Variants in PI16 observed in about 807,000 individuals in gnomAD.
The protein encoded by PI16 is PSP94-binding protein.
PI16 carries 35 observed loss-of-function variants against 38.0 expected under a neutral mutation model. That is an observed-to-expected ratio of 0.92 (90% CI 0.70 to 1.22). The LOEUF (loss-of-function observed/expected upper bound fraction) is 1.22, where lower values mean the gene tolerates loss of function less well. Ranked by LOEUF, PI16 falls within the 50% of genes most tolerant of loss-of-function variation. PI16 has a pLI of 0.00. For synonymous variants in PI16, 275 were observed against 252.9 expected (o/e 1.09, Z -0.83); for missense variants, 572 against 593.8 (o/e 0.96, Z 0.38).
In PI16 at chr6:36,959,230, G is replaced by A. The variant is rs978932221; in HGVS notation, c.257G>A (p.Gly86Asp). The stretch of plus-strand genomic sequence containing the variant: ...CACAACAAGGAGCGCGGGCGCCGCG[G>A]CGAGAATCTGTTCGCCATCACAGAC... The part of the protein sequence containing the change: ...WGHNKERGRR[G>D]ENLFAITDEG... The change falls in exon 2 of 7, where the codon GGC becomes GAC. Residue 86 changes from glycine (G) to aspartate (D), a missense_variant. By Grantham distance (94) the Gly-to-Asp change is moderately conservative. Transcript: ENST00000373674. The A allele has an allele frequency of 1.2e-6, 2 of 1,609,700 alleles. No homozygotes were observed. The highest frequency in any genetic ancestry group is 1.7e-6 in the Non-Finnish European group (2 of 1,178,600).
chr6:36,959,131 C>T lies in PI16; in HGVS notation c.172-14C>T. 1 of 1,598,030 alleles carries T rather than the reference C, an allele frequency of 6.3e-7. No homozygotes were observed. Among genetic ancestry groups the T allele is most frequent in the South Asian group, 1.1e-5 (1 of 88,614 alleles). ...GTGGGCATCCTCACCTCCCTTCTCT[C>T]ACCTGCCCTGCAGAGATGGGACGAG... On this transcript the variant is annotated splice_polypyrimidine_tract_variant and intron_variant, in intron 1 of 6. Transcript: ENST00000373674.
upstream of PI16, among the ~76,000 whole-genome samples, chr6:36,952,214 G>T (rs181841730): frequency 1.3e-5 from 2 of 151,890 alleles, no homozygotes; most frequent in Non-Finnish European, 2.9e-5. Context: ...GGCTGGTCTC[G>T]AACTCTTGAC....
At chr6:36,954,218 T>A (rs747366443), upstream of PI16, among the ~76,000 whole-genome samples, 2 of 152,250 alleles carry the variant, frequency 1.3e-5, no homozygotes, top group Non-Finnish European at 2.9e-5. Flanking sequence ...TAGGTACTAT[T>A]ATTGTCACTG....
rs1390310973 is a variant in PI16, at chr6:36,963,733, G to A, written c.1271-90G>A. ...CCTCTGAGTAGGAGCTTCCTCCCTG[G>A]CTGCTGCCCCACCTCCTTGCATGGT... On this transcript the variant is annotated intron_variant, in intron 5 of 6. Transcript: ENST00000373674. 14 of 1,530,950 alleles carry A rather than the reference G, an allele frequency of 9.1e-6. No individual in the cohort carries two copies. The East Asian group carries it at 3.0e-4, about 33-fold the overall frequency. The allele number at this position is 1,530,950 out of a possible 1,614,324, so 94.8% of individuals were successfully genotyped here.
rs1371245912 is a variant in PI16, at chr6:36,962,743, G to GATTAC, written c.593-190_593-186dup. Reference sequence around the variant, plus strand: ...CTGCCTCAGTCTCCCAAAGTGCTGGGATTACAGACGTGAGCCACCGCGCCC... The same window carrying GATTAC: ...CTGCCTCAGTCTCCCAAAGTGCTGGGATTACATTACAGACGTGAGCCACCGCGCCC... On this transcript the variant is annotated intron_variant, in intron 4 of 6. Transcript: ENST00000373674. This position sits in a 1 kb window ranked among gnomAD's most constrained non-coding sequence, Gnocchi z 4.1. Among the ~76,000 whole-genome samples the GATTAC allele has an allele frequency of 6.6e-6, 1 of 152,200 alleles. No individual in the cohort carries two copies. Among genetic ancestry groups the GATTAC allele is most frequent in the Non-Finnish European group, 1.5e-5 (1 of 68,044 alleles).
At chr6:36,953,541 T>A (rs1029950215), upstream of PI16, among the ~76,000 whole-genome samples, 12 of 152,176 alleles carry the variant, frequency 7.9e-5, no homozygotes, top group Admixed American at 1.3e-4. Context: ...TGTGTATGTG[T>A]GTGTAATCCA....
In PI16 at chr6:36,954,835, T is replaced by C. The variant is rs1336396293; in HGVS notation, c.75T>C (p.Val25=). 6.2e-7 allele frequency: 1 copy of C among 1,614,170 alleles called. No individual in the cohort carries two copies. The highest frequency in any genetic ancestry group is 1.7e-5 in the Admixed American group (1 of 60,026). ...LLLLVATTGP[V]GALTDEEKRL... is the part of the protein sequence containing the mutation. ...TGCTGGTGGCCACCACAGGCCCCGT[T>C]GGAGCCCTCACAGATGAGGAGAAAC... The change falls in exon 1 of 7, where the codon GTT becomes GTC. Residue 25 remains valine (V), a synonymous_variant. Transcript: ENST00000373674.
At chr6:36,950,419 G>A (rs549023916), upstream of PI16, among the ~76,000 whole-genome samples, 3 of 152,214 alleles carry the variant, frequency 2.0e-5, no homozygotes, top group Non-Finnish European at 2.9e-5. This position sits in a 1 kb window ranked among gnomAD's most constrained non-coding sequence, Gnocchi z 4.2. Flanking sequence ...ATATGTGATC[G>A]TACATTTTGT....
intron 1 of PI16, among the ~76,000 whole-genome samples, chr6:36,956,065 C>A (rs1387293400): frequency 6.6e-6 from 1 of 152,172 alleles, no homozygotes; most frequent in African/African-American, 2.4e-5. Flanking sequence ...CTAATGTGAT[C>A]TGGCTGAAGT....
chr6:36,951,726 T>G (rs567944832), upstream of PI16, among the ~76,000 whole-genome samples: 1 of 152,152 alleles, frequency 6.6e-6, no homozygotes, highest in African/African-American at 2.4e-5. Context: ...TGGCGAAATC[T>G]TGTCTCTACT....
upstream of PI16, among the ~76,000 whole-genome samples, chr6:36,951,005 A>G (rs1311777145): frequency 1.3e-5 from 2 of 152,066 alleles, no homozygotes; most frequent in African/African-American, 4.8e-5. Flanking sequence ...CAATTTCTCC[A>G]TATCCTTGTC....
rs767139014 is a variant in PI16, at chr6:36,963,236, C to T, written c.894C>T (p.Pro298=). The T allele has an allele frequency of 1.2e-6, 2 of 1,614,258 alleles. No homozygotes were observed. The highest frequency in any genetic ancestry group is 1.1e-5 in the South Asian group (1 of 91,086). Reference sequence around the variant, plus strand: ...CCATTTTGGCAGCTCACAGCCTGCCCTCCTTGGATGAGGAGCCAGTTACCT... The same window carrying T: ...CCATTTTGGCAGCTCACAGCCTGCCTTCCTTGGATGAGGAGCCAGTTACCT... The part of the protein sequence containing the change: ...VPSILAAHSL[P]SLDEEPVTFP... Residue 298 remains proline (P), a synonymous_variant, in exon 5 of 7, where the codon CCC becomes CCT. Coordinates refer to ENST00000373674, the MANE Select transcript of PI16 (RefSeq NM_153370.3).
At chr6:36,959,477 C>A in intron 2 of PI16, 111 bp downstream of exon 2, 1 of 1,104,164 alleles carries the variant, frequency 9.1e-7, no homozygotes, top group Non-Finnish European at 1.3e-6. Context: ...GTCCTCGCTG[C>A]AAGTAGGCGG....
intron 3 of PI16, 87 bp downstream of exon 3, chr6:36,961,647 G>T: frequency 8.1e-7 from 1 of 1,232,136 alleles, no homozygotes; most frequent in Non-Finnish European, 1.2e-6. Flanking sequence ...CAGCCTGAGG[G>T]AGTGGGAGGA....
Position 36,963,330 on chromosome 6 carries a change from T to C in PI16, c.988T>C (p.Ser330Pro), listed in dbSNP as rs749796873. The change falls in exon 5 of 7, where the codon TCT becomes CCT. Residue 330 changes from serine (S) to proline (P), a missense_variant. By Grantham distance (74) the Ser-to-Pro change is moderately conservative. Transcript: ENST00000373674. ...DKVTDKTKVP[S>P]RSPENSLDPK... ...AGTGACAGACAAAACAAAAGTGCCC[T>C]CTAGGAGCCCAGAGAACTCTCTGGA... is the stretch of plus-strand genomic sequence containing the variant. 2 of 1,614,174 alleles carry C rather than the reference T, an allele frequency of 1.2e-6. No individual in the cohort carries two copies. Among genetic ancestry groups the C allele is most frequent in the South Asian group, 2.2e-5 (2 of 91,086 alleles).
Position 36,962,030 on chromosome 6 carries a change from A to G in PI16, c.592+56A>G, listed in dbSNP as rs1763381035. ...GGGGTGTGGAAATGATGCGATGCAGACTGGATGGTCTAAGAGCCTCCCTGG... is the reference window on the plus strand; with the variant it reads ...GGGGTGTGGAAATGATGCGATGCAGGCTGGATGGTCTAAGAGCCTCCCTGG... On this transcript the variant is annotated intron_variant, in intron 4 of 6. Coordinates refer to ENST00000373674, the MANE Select transcript of PI16 (RefSeq NM_153370.3). This position sits in a 1 kb window ranked among gnomAD's most constrained non-coding sequence, Gnocchi z 4.1. 2 of 1,455,798 alleles carry G rather than the reference A, an allele frequency of 1.4e-6. No individual in the cohort carries two copies. Among genetic ancestry groups the G allele is most frequent in the East Asian group, 4.5e-5 (2 of 44,204 alleles). 90.2% of individuals were successfully genotyped at this position (1,455,798 alleles called of 1,614,324 possible). A position where few individuals can be genotyped will look rare whatever the true frequency, so the allele number is the denominator to read the frequency against.
upstream of PI16, among the ~76,000 whole-genome samples, chr6:36,950,795 G>A (rs1007620276): frequency 1.3e-5 from 2 of 152,002 alleles, no homozygotes; most frequent in Admixed American, 1.3e-4. This position sits in a 1 kb window ranked among gnomAD's most constrained non-coding sequence, Gnocchi z 4.2. Context: ...CGCCCGCCTC[G>A]GCCTCCCAAA....
rs1014244274 is a variant in PI16 at position 36,959,212 on chromosome 6, A to G, written c.239A>G (p.Lys80Arg). 4.3e-6 allele frequency: 7 copies of G among 1,611,186 alleles called. No homozygotes were observed. The Admixed American group carries it at 8.4e-5, about 19-fold the overall frequency. Residue 80 changes from lysine to arginine, a missense_variant, in exon 2 of 7, where the codon AAG (lysine) becomes AGG (arginine). Coordinates refer to ENST00000373674, the MANE Select transcript of PI16 (RefSeq NM_153370.3). ...YARQCVWGHN[K>R]ERGRRGENLF... ...CGGCAGTGCGTGTGGGGCCACAACA[A>G]GGAGCGCGGGCGCCGCGGCGAGAAT...
chr6:36,961,704 C>G, intron 3 of PI16, 144 bp downstream of exon 3: 1 of 896,724 alleles, frequency 1.1e-6, no homozygotes, highest in South Asian at 1.5e-5. Context: ...GTGAAGGCAC[C>G]AATGGGGGTC....
Sources: allele counts gnomAD v4.1 joint callset (sites outside exome capture counted in the v4.1 genomes callset), GRCh38; gene constraint gnomAD v4.1.1; non-coding constraint Gnocchi (gnomAD v3.1); transcripts MANE v1.5; gene names NCBI Gene and HGNC (gene_info 2026-07-23, HGNC 2026-07-21).